Variants in SCUBE1 observed in about 807,000 individuals in gnomAD.
The protein encoded by SCUBE1 is signal peptide, CUB domain and EGF like domain containing 1.
A neutral mutation model predicts 124.4 loss-of-function variants in SCUBE1; 59 were observed. The ratio of observed to expected loss-of-function variants is 0.47; its 90% CI spans 0.38 to 0.59. The LOEUF is 0.59. Among genes scored for constraint, SCUBE1 ranks in the 20% least tolerant of loss-of-function variants. The pLI is 0.00. For synonymous variants in SCUBE1, 545 were observed against 550.9 expected (o/e 0.99, Z 0.15); for missense variants, 1,150 against 1,371.2 (o/e 0.84, Z 2.55).
chr22:43,292,768 C>T (rs1322254425), intron 3 of SCUBE1, among the ~76,000 whole-genome samples: 1 of 152,240 alleles, frequency 6.6e-6, no homozygotes, highest in African/African-American at 2.4e-5. Flanking sequence ...CGACAGACCA[C>T]TTTACCACCT....
At chr22:43,290,396 G>A (rs12053791) in intron 4 of SCUBE1, among the ~76,000 whole-genome samples, 2 of 151,948 alleles carry the variant, frequency 1.3e-5, no homozygotes, top group Admixed American at 6.5e-5. Context: ...GCCCTGAGCC[G>A]AAACTCCAGG....
chr22:43,239,428 C>T (rs758204393), intron 6 of SCUBE1, among the ~76,000 whole-genome samples: 6 of 152,254 alleles, frequency 3.9e-5, no homozygotes, highest in East Asian at 1.9e-4. Flanking sequence ...GCCAGGGAGC[C>T]GAGGGGTAGG....
intron 4 of SCUBE1, among the ~76,000 whole-genome samples, chr22:43,288,465 T>C (rs1925231630): frequency 2.0e-5 from 3 of 152,254 alleles, no homozygotes; most frequent in Admixed American, 1.3e-4. Flanking sequence ...CCAGGCCCCA[T>C]GTTGTCCAGC....
At chr22:43,327,286 G>A (rs1031731236) in intron 2 of SCUBE1, among the ~76,000 whole-genome samples, 1 of 152,184 alleles carries the variant, frequency 6.6e-6, no homozygotes, top group Non-Finnish European at 1.5e-5. Context: ...CAGGAAGGGA[G>A]CCAGGCAGCT....
intron 4 of SCUBE1, among the ~76,000 whole-genome samples, chr22:43,279,904 T>G (rs1924695168): frequency 6.6e-6 from 1 of 152,190 alleles, no homozygotes; most frequent in African/African-American, 2.4e-5. Context: ...AGAATCCTGA[T>G]GTCCCCAGTC....
intron 4 of SCUBE1, among the ~76,000 whole-genome samples, chr22:43,277,299 C>A (rs1924566811): frequency 6.6e-6 from 1 of 152,010 alleles, no homozygotes; most frequent in Non-Finnish European, 1.5e-5. Context: ...CTCTCAGGAG[C>A]CATGGGAAGG....
rs1920961704 is a variant in SCUBE1 at position 43,198,829 on chromosome 22, CTGTCTATCTGCTGTCTGGGGAAGTG to C, written c.*5143_*5167del. 9.6e-6 allele frequency: 4 copies of C among 416,642 alleles called. No individual in the cohort carries two copies. Among genetic ancestry groups the C allele is most frequent in the Non-Finnish European group, 1.9e-5 (4 of 206,044 alleles). 25.8% of individuals were successfully genotyped at this position (416,642 alleles called of 1,614,324 possible). A position where few individuals can be genotyped will look rare whatever the true frequency, so the allele number is the denominator to read the frequency against. ...TTGTCTGCTGTCTGGGGCAGGGTGT[CTGTCTATCTGCTGTCTGGGGAAGTG>C]TGTCTGTCTGTCTGCTGTCTGGGGC... On this transcript the variant is annotated 3_prime_UTR_variant, in exon 22 of 22. Transcript: ENST00000360835.
Position 43,255,682 on chromosome 22 carries a change from A to G in SCUBE1, c.727+2537T>C. 5 of 973,042 alleles carry G rather than the reference A, an allele frequency of 5.1e-6. No homozygotes were observed. In the Admixed American group the frequency reaches 8.1e-5, roughly 16 times the overall value. The allele number at this position is 973,042 out of a possible 1,614,324, so 60.3% of individuals were successfully genotyped here. A position where few individuals can be genotyped will look rare whatever the true frequency, so the allele number is the denominator to read the frequency against. ...TCGGCGTGGCGCACGCAAAGCCAAC[A>G]CAACACGCCGGCCAGCTCGGCATCC... On this transcript the variant is annotated intron_variant, in intron 6 of 21. Coordinates refer to ENST00000360835, the MANE Select transcript of SCUBE1 (RefSeq NM_173050.5). The surrounding 1 kb of genome is among the most constrained non-coding windows in gnomAD (Gnocchi z 4.7).
At chr22:43,214,637 C>T (rs1466316439) in intron 15 of SCUBE1, among the ~76,000 whole-genome samples, 5 of 152,184 alleles carry the variant, frequency 3.3e-5, no homozygotes, top group East Asian at 1.9e-4. Flanking sequence ...CATTTCACCC[C>T]GAAGCTCCCC....
rs929088852 is a variant in SCUBE1, at chr22:43,222,756, G to A, written c.1328-14C>T. 24 of 1,568,446 alleles carry A rather than the reference G, an allele frequency of 1.5e-5. No homozygotes were observed. Among genetic ancestry groups the A allele is most frequent in the African/African-American group, 4.1e-5 (3 of 74,068 alleles). On this transcript the variant is annotated splice_polypyrimidine_tract_variant and intron_variant, in intron 11 of 21. Coordinates refer to ENST00000360835, the MANE Select transcript of SCUBE1 (RefSeq NM_173050.5). ...TATTTTCCGAGTCTGCAGAGAAGCC[G>A]GTGGGTGAGGTGGGCCTGGTGCTCC... is the stretch of plus-strand genomic sequence containing the variant.
chr22:43,258,258 G>C lies in SCUBE1; in HGVS notation c.688C>G (p.Gln230Glu). Residue 230 changes from glutamine (Q) to glutamate (E), a missense_variant, in exon 6 of 22, where the codon CAG becomes GAG. Gln to Glu is a conservative substitution (Grantham distance 29, BLOSUM62 2). Transcript: ENST00000360835. This position sits in a 1 kb window ranked among gnomAD's most constrained non-coding sequence, Gnocchi z 5.0. ...TDTGPTCGCH[Q>E]KYALHSDGRT... Reference sequence around the variant, plus strand: ...CCGTCTGAGTGGAGGGCGTACTTCTGGTGGCAACCACACGTGGGGCCTGTG... The same window carrying C: ...CCGTCTGAGTGGAGGGCGTACTTCTCGTGGCAACCACACGTGGGGCCTGTG... 1 of 1,614,050 alleles carries C rather than the reference G, an allele frequency of 6.2e-7. No homozygotes were observed. Among genetic ancestry groups the C allele is most frequent in the Non-Finnish European group, 8.5e-7 (1 of 1,179,954 alleles).
chr22:43,282,599 C>T (rs1283585980), intron 4 of SCUBE1: 1 of 152,280 alleles, frequency 6.6e-6, no homozygotes, highest in East Asian at 1.9e-4. Flanking sequence ...CAGCATCCTG[C>T]CTATGTCACT....
intron 16 of SCUBE1, 27 bp downstream of exon 16, chr22:43,214,063 C>CCCCCCCCCCA: frequency 3.0e-6 from 2 of 663,990 alleles, no homozygotes; most frequent in Non-Finnish European, 4.7e-6. Context: ...CCCCCACCCC[C>CCCCCCCCCCA]ACCTCTCCTT....
intron 3 of SCUBE1, among the ~76,000 whole-genome samples, chr22:43,308,087 C>A (rs899561060): frequency 1.3e-5 from 2 of 152,204 alleles, no homozygotes; most frequent in East Asian, 3.8e-4. Context: ...CAGTCTGCCT[C>A]CCTACACCCC....
chr22:43,288,867 T>C (rs1925249558), intron 4 of SCUBE1, among the ~76,000 whole-genome samples: 1 of 152,218 alleles, frequency 6.6e-6, no homozygotes, highest in Admixed American at 6.5e-5. Context: ...AGAGTAAGCG[T>C]GTGGCCCCAG....
At position 43,202,151 on chromosome 22, in the gene SCUBE1, G is replaced by A. The variant is rs1921032078; in HGVS notation, c.*1846C>T. The A allele has an allele frequency of 1.3e-5, 2 of 152,242 alleles. No individual in the cohort carries two copies. Among genetic ancestry groups the A allele is most frequent in the African/African-American group, 2.4e-5 (1 of 41,462 alleles). 9.4% of individuals were successfully genotyped at this position (152,242 alleles called of 1,614,324 possible). A position where few individuals can be genotyped will look rare whatever the true frequency, so the allele number is the denominator to read the frequency against. ...CGCTACTGTGGGCACATGTGACGGC[G>A]TGAGTAATTGCTGAGCTCCGGGCCC... On this transcript the variant is annotated 3_prime_UTR_variant, in exon 22 of 22. Transcript: ENST00000360835.
chr22:43,230,169 T>C (rs528328224), intron 8 of SCUBE1, among the ~76,000 whole-genome samples: 140 of 152,126 alleles, frequency 9.2e-4, no homozygotes, highest in African/African-American at 3.2e-3. Flanking sequence ...AATGAGCGAA[T>C]GAATGTGGAG....
intron 21 of SCUBE1, among the ~76,000 whole-genome samples, chr22:43,206,091 C>T (rs1921259457): frequency 7.0e-6 from 1 of 141,930 alleles, no homozygotes; most frequent in African/African-American, 2.6e-5. Flanking sequence ...ATACACACCC[C>T]CATACACACC....
chr22:43,330,414 G>C (rs187467093), intron 2 of SCUBE1, among the ~76,000 whole-genome samples: 87 of 152,324 alleles, frequency 5.7e-4, no homozygotes, highest in African/African-American at 2.0e-3. Flanking sequence ...TCCTCAGGCA[G>C]AGATATACAC....
Sources: gnomAD v4.1 joint callset for allele counts (sites outside exome capture counted in the v4.1 genomes callset) on GRCh38, gnomAD v4.1.1 for gene constraint, Gnocchi (gnomAD v3.1) non-coding constraint, MANE v1.5 for transcripts, NCBI Gene and HGNC (gene_info 2026-07-23, HGNC 2026-07-21) for gene names.